The following FUT9 variants were observed in gnomAD, a reference collection of about 807,000 sequenced individuals.
FUT9 encodes the protein 4-galactosyl-N-acetylglucosaminide 3-alpha-L-fucosyltransferase 9.
Under a neutral mutation model 29.7 loss-of-function variants are expected in FUT9, and 15 were observed. That is an observed-to-expected ratio of 0.51 (90% CI 0.34 to 0.78). The LOEUF (loss-of-function observed/expected upper bound fraction) is 0.78, where lower values mean the gene tolerates loss of function less well. FUT9 is among the 30% of genes least tolerant of loss of function. FUT9 has a pLI of 0.01. For missense variants in FUT9, 319 were observed against 425.4 expected (o/e 0.75, Z 2.20); for synonymous variants, 169 against 153.7 (o/e 1.10, Z -0.74).
chr6:96,103,370 A>G (rs1381721046), intron 1 of FUT9, among the ~76,000 whole-genome samples: 1 of 152,110 alleles, frequency 6.6e-6, no homozygotes, highest in African/African-American at 2.4e-5. Context: ...TCCCACCGTT[A>G]CCTCAACTAC....
intron 1 of FUT9, among the ~76,000 whole-genome samples, chr6:96,018,001 T>C (rs1770007881): frequency 6.6e-6 from 1 of 152,188 alleles, no homozygotes; most frequent in African/African-American, 2.4e-5. Context: ...ATTTCCCTTT[T>C]GTGTAAGACA....
At chr6:96,201,903 G>C (rs1043884153) in intron 2 of FUT9, among the ~76,000 whole-genome samples, 1 of 151,010 alleles carries the variant, frequency 6.6e-6, no homozygotes, top group Non-Finnish European at 1.5e-5. Context: ...TATGCTTTAA[G>C]AAAAACTACA....
At chr6:96,123,294 C>G (rs1772067407) in intron 2 of FUT9, among the ~76,000 whole-genome samples, 1 of 151,900 alleles carries the variant, frequency 6.6e-6, no homozygotes, top group Non-Finnish European at 1.5e-5. Context: ...AACTGGCTGT[C>G]AATATCTTAA....
At chr6:96,141,825 G>T (rs1462792110) in intron 2 of FUT9, among the ~76,000 whole-genome samples, 1 of 152,130 alleles carries the variant, frequency 6.6e-6, no homozygotes, top group Non-Finnish European at 1.5e-5. Flanking sequence ...CCAGATTCTG[G>T]CTGTTGCCTT....
intron 1 of FUT9, among the ~76,000 whole-genome samples, chr6:96,020,550 T>TC (rs983631011): frequency 1.3e-5 from 2 of 152,056 alleles, no homozygotes; most frequent in African/African-American, 4.8e-5. Flanking sequence ...GCCAGAGGGA[T>TC]CAATGGAAGT....
chr6:96,086,707 T>A (rs1771322134), intron 1 of FUT9, among the ~76,000 whole-genome samples: 1 of 152,194 alleles, frequency 6.6e-6, no homozygotes, highest in African/African-American at 2.4e-5. Flanking sequence ...AAAATCTGGC[T>A]TTGACCACAG....
chr6:96,034,292 A>G (rs1041891445), intron 1 of FUT9, among the ~76,000 whole-genome samples: 1 of 151,612 alleles, frequency 6.6e-6, no homozygotes, highest in African/African-American at 2.4e-5. Flanking sequence ...CATTATAACT[A>G]TTACTGAAAG....
intron 2 of FUT9, among the ~76,000 whole-genome samples, chr6:96,198,666 A>T (rs1181174120): frequency 6.6e-6 from 1 of 152,186 alleles, no homozygotes; most frequent in Non-Finnish European, 1.5e-5. Flanking sequence ...TGGTATTTCT[A>T]GTTCCAGATC....
At chr6:96,190,332 C>T (rs527434638) in intron 2 of FUT9, among the ~76,000 whole-genome samples, 1 of 152,120 alleles carries the variant, frequency 6.6e-6, no homozygotes, top group East Asian at 1.9e-4. Context: ...CTCTGGCTGC[C>T]CTTAACATTT....
chr6:96,156,881 T>C lies in FUT9; in HGVS notation c.-9+42754T>C, dbSNP rs190732296. The stretch of plus-strand genomic sequence containing the variant: ...TTTAATGTGTGCTGAGGTTTGGAAC[T>C]CAAATGTACAAATTATGACTGCCTA... On this transcript the variant is annotated intron_variant, in intron 2 of 2. Coordinates refer to ENST00000302103, the MANE Select transcript of FUT9 (RefSeq NM_006581.4). Among the ~76,000 whole-genome samples, 257 of 152,336 alleles carry C rather than the reference T, an allele frequency of 1.7e-3. 5 individuals are homozygous for C. Among genetic ancestry groups the C allele is most frequent in the Admixed American group, 0.016 (246 of 15,296 alleles).
At chr6:96,079,102 G>A (rs553692373) in intron 1 of FUT9, among the ~76,000 whole-genome samples, 1 of 152,170 alleles carries the variant, frequency 6.6e-6, no homozygotes, top group Admixed American at 6.5e-5. Context: ...ACGTGCCCAT[G>A]TTCAGAGGCA....
chr6:96,048,195 T>C (rs1770599554), intron 1 of FUT9, among the ~76,000 whole-genome samples: 1 of 152,058 alleles, frequency 6.6e-6, no homozygotes, highest in African/African-American at 2.4e-5. Context: ...CTCCAGAAAA[T>C]CCAGGATATC....
At chr6:96,167,681 A>T (rs1773038781) in intron 2 of FUT9, among the ~76,000 whole-genome samples, 1 of 152,216 alleles carries the variant, frequency 6.6e-6, no homozygotes, top group African/African-American at 2.4e-5. Flanking sequence ...TAATAAAAAG[A>T]GTAGAGTAAG....
At chr6:96,106,480 C>T (rs1169920316) in intron 1 of FUT9, among the ~76,000 whole-genome samples, 1 of 152,054 alleles carries the variant, frequency 6.6e-6, no homozygotes, top group African/African-American at 2.4e-5. Context: ...CCTACTTTCC[C>T]AATCCCAGTT....
chr6:96,155,902 T>C (rs752666281), intron 2 of FUT9, among the ~76,000 whole-genome samples: 3 of 152,156 alleles, frequency 2.0e-5, no homozygotes, highest in Non-Finnish European at 4.4e-5. Flanking sequence ...CTACCCAGTT[T>C]GTGGTATTTT....
At chr6:96,043,300 C>T (rs1380720601) in intron 1 of FUT9, among the ~76,000 whole-genome samples, 8 of 70,770 alleles carry the variant, frequency 1.1e-4, no homozygotes, top group Non-Finnish European at 1.8e-4. Flanking sequence ...ATCCTCTCGC[C>T]TCGGGTCCCA....
intron 2 of FUT9, among the ~76,000 whole-genome samples, chr6:96,174,913 T>C (rs1185750043): frequency 6.6e-6 from 1 of 152,190 alleles, no homozygotes; most frequent in Non-Finnish European, 1.5e-5. Context: ...ATTTCATATA[T>C]GTGCATTTAG....
At chr6:96,126,685 A>G (rs1245928617) in intron 2 of FUT9, among the ~76,000 whole-genome samples, 1 of 152,224 alleles carries the variant, frequency 6.6e-6, no homozygotes, top group African/African-American at 2.4e-5. Flanking sequence ...TGGTCTTTAT[A>G]TACACAGGTT....
intron 1 of FUT9, among the ~76,000 whole-genome samples, chr6:96,099,658 T>C (rs1343738875): frequency 2.0e-5 from 3 of 152,138 alleles, no homozygotes; most frequent in African/African-American, 7.2e-5. Context: ...GCTTGCCTGA[T>C]AGTAATAAAT....
Sources: allele counts gnomAD v4.1 joint callset (sites outside exome capture counted in the v4.1 genomes callset), GRCh38; gene constraint gnomAD v4.1.1; transcripts MANE v1.5; gene names NCBI Gene and HGNC (gene_info 2026-07-23, HGNC 2026-07-21).